The following LAMA2 variants were observed in gnomAD, a reference collection of about 807,000 sequenced individuals.
LAMA2 encodes laminin subunit alpha-2.
A neutral mutation model predicts 364.8 loss-of-function variants in LAMA2; 269 were observed. The ratio of observed to expected loss-of-function variants is 0.74; its 90% CI spans 0.67 to 0.82. LAMA2 has a LOEUF of 0.82. Among genes scored for constraint, LAMA2 ranks in the 40% least tolerant of loss-of-function variants. LAMA2 has a pLI of 0.00. For missense variants in LAMA2, 3,807 were observed against 3,873.2 expected, an observed-to-expected ratio of 0.98 and a Z score of 0.45; for synonymous variants, 1,379 against 1,370.6, an observed-to-expected ratio of 1.01 and a Z score of -0.14.
At chr6:128,898,977 T>A (rs143683438) in intron 1 of LAMA2, among the ~76,000 whole-genome samples, 1 of 152,312 alleles carries the variant, frequency 6.6e-6, no homozygotes, top group East Asian at 1.9e-4. Flanking sequence ...TGTCACCTCT[T>A]ACAGAGGCCT....
intron 51 of LAMA2, among the ~76,000 whole-genome samples, chr6:129,465,635 C>A (rs917939367): frequency 2.4e-4 from 37 of 151,780 alleles, no homozygotes; most frequent in Admixed American, 3.3e-4. Context: ...TAAAGTGGCC[C>A]ACAGTGGAAT....
intron 42 of LAMA2, among the ~76,000 whole-genome samples, chr6:129,440,549 A>G (rs1433974143): frequency 6.6e-6 from 1 of 152,176 alleles, no homozygotes; most frequent in Non-Finnish European, 1.5e-5. Context: ...AGCAAATCAC[A>G]ATATGATCTT....
intron 34 of LAMA2, among the ~76,000 whole-genome samples, chr6:129,378,335 A>G (rs1453114084): frequency 6.6e-6 from 1 of 152,226 alleles, no homozygotes; most frequent in Admixed American, 6.5e-5. Flanking sequence ...AACATTATCA[A>G]TAGCCTGTCC....
chr6:129,516,535 AAAT>A lies in LAMA2; in HGVS notation c.*193_*195del, dbSNP rs371188338. The A allele has an allele frequency of 0.79, 479,974 of 610,556 alleles. 191,789 individuals are homozygous for A. Among genetic ancestry groups the A allele is most frequent in the Non-Finnish European group, 0.84 (291,636 of 346,646 alleles). 37.8% of individuals were successfully genotyped at this position (610,556 alleles called of 1,614,324 possible). A position where few individuals can be genotyped will look rare whatever the true frequency, so the allele number is the denominator to read the frequency against. Reference sequence around the variant, plus strand: ...AATTCAAGTTCTTTCTCAAGTCTATAAATAATATTAAACTGATTATTTCATTCT... The same window carrying A: ...AATTCAAGTTCTTTCTCAAGTCTATAAATATTAAACTGATTATTTCATTCT... On this transcript the variant is annotated 3_prime_UTR_variant, in exon 65 of 65. Transcript: ENST00000421865.
chr6:129,254,756 AATC>A (rs1422946477), intron 14 of LAMA2, among the ~76,000 whole-genome samples: 2 of 152,228 alleles, frequency 1.3e-5, no homozygotes, highest in African/African-American at 2.4e-5. Context: ...ATATAAGAGA[AATC>A]AACCTAACTG....
In LAMA2 at chr6:129,154,664, G is replaced by C. The variant is rs756788810; in HGVS notation, c.1187G>C (p.Gly396Ala). 1.2e-6 allele frequency: 2 copies of C among 1,613,864 alleles called. No individual in the cohort carries two copies. The highest frequency in any genetic ancestry group is 1.7e-6 in the Non-Finnish European group (2 of 1,179,870). Residue 396 changes from glycine to alanine, a missense_variant, in exon 8 of 65, where the codon GGC becomes GCC. By Grantham distance (60) the Gly-to-Ala change is moderately conservative. Around this residue, in one of 3 missense-constraint regions of LAMA2, gnomAD observed 80 missense variants for 124.0 expected, o/e 0.65. Transcript: ENST00000421865. ...AGINCETCTDGFFRPKGVSPN... is the reference protein window; with the variant it reads ...AGINCETCTDAFFRPKGVSPN... ...ATAAACTGCGAGACATGTACTGATG[G>C]CTTCTTCAGACCCAAAGGGGTAAAG... is the stretch of plus-strand genomic sequence containing the variant.
chr6:129,011,401 T>A (rs912679949), intron 1 of LAMA2, among the ~76,000 whole-genome samples: 6 of 152,200 alleles, frequency 3.9e-5, no homozygotes, highest in Non-Finnish European at 8.8e-5. Flanking sequence ...ACAAGCTCCT[T>A]ATGTGGAGAA....
chr6:128,890,920 C>T (rs1776415847), intron 1 of LAMA2, among the ~76,000 whole-genome samples: 1 of 152,038 alleles, frequency 6.6e-6, no homozygotes, highest in Non-Finnish European at 1.5e-5. Flanking sequence ...AAAACCTTGA[C>T]ATCTTCATAA....
intron 3 of LAMA2, among the ~76,000 whole-genome samples, chr6:129,071,745 T>G (rs1161949502): frequency 6.6e-6 from 1 of 152,222 alleles, no homozygotes; most frequent in African/African-American, 2.4e-5. Context: ...ATTCCTTTCC[T>G]CACTAATTCC....
intron 1 of LAMA2, among the ~76,000 whole-genome samples, chr6:128,900,654 A>G (rs1192933949): frequency 6.6e-6 from 1 of 152,224 alleles, no homozygotes; most frequent in East Asian, 1.9e-4. Context: ...TGTTCCAATT[A>G]AATATTTAAA....
chr6:129,203,159 A>G (rs1269527028), intron 12 of LAMA2, among the ~76,000 whole-genome samples: 1 of 152,250 alleles, frequency 6.6e-6, no homozygotes, highest in African/African-American at 2.4e-5. Context: ...TCCAGCTCTC[A>G]TTTCTCATTT....
chr6:129,153,668 A>G (rs1414080269), intron 7 of LAMA2, among the ~76,000 whole-genome samples: 1 of 152,196 alleles, frequency 6.6e-6, no homozygotes, highest in African/African-American at 2.4e-5. Flanking sequence ...AATAATACCT[A>G]ATTCCTAAAA....
intron 16 of LAMA2, among the ~76,000 whole-genome samples, chr6:129,269,127 T>C (rs1554259991): frequency 1.3e-5 from 2 of 152,078 alleles, no homozygotes; most frequent in Non-Finnish European, 1.5e-5. Flanking sequence ...CTGAAAAATA[T>C]TTTTGGCACC....
chr6:129,481,154 G>GATCT (rs1784325679), intron 54 of LAMA2, 109 bp from the exon 55 acceptor site: 2 of 841,238 alleles, frequency 2.4e-6, no homozygotes, highest in Non-Finnish European at 4.1e-6. Flanking sequence ...CTAAACCTAT[G>GATCT]ATGTATTTCA....
chr6:129,328,238 T>G (rs1202963571), intron 28 of LAMA2, 40 bp from the exon 29 acceptor site: 2 of 1,568,620 alleles, frequency 1.3e-6, no homozygotes, highest in Admixed American at 3.3e-5. Flanking sequence ...AATGCAGTAT[T>G]TCTAACTTTG....
intron 1 of LAMA2, among the ~76,000 whole-genome samples, chr6:129,020,625 G>A (rs1162102657): frequency 6.6e-6 from 1 of 152,156 alleles, no homozygotes; most frequent in South Asian, 2.1e-4. Context: ...AGAAGAACAC[G>A]TGAAAAGGTG....
intron 1 of LAMA2, among the ~76,000 whole-genome samples, chr6:128,910,804 G>T (rs1777869083): frequency 6.7e-6 from 1 of 150,228 alleles, no homozygotes; most frequent in African/African-American, 2.5e-5. Flanking sequence ...GTGATGTACA[G>T]ATGGGTTCTT....
chr6:128,906,563 A>C (rs1399871909), intron 1 of LAMA2, among the ~76,000 whole-genome samples: 1 of 149,216 alleles, frequency 6.7e-6, no homozygotes, highest in Non-Finnish European at 1.5e-5. Flanking sequence ...AGGTTGCGAA[A>C]ATTTTCTCCC....
intron 9 of LAMA2, among the ~76,000 whole-genome samples, chr6:129,171,927 A>T (rs1339207256): frequency 9.8e-4 from 109 of 111,154 alleles, no homozygotes; most frequent in African/African-American, 3.5e-3. Context: ...CATTCATTTC[A>T]TCTTCCATTG....
Sources: gnomAD v4.1 joint callset for allele counts (sites outside exome capture counted in the v4.1 genomes callset) on GRCh38, gnomAD v4.1.1 for gene constraint, gnomAD v4.1.1 regional missense constraint, MANE v1.5 for transcripts, NCBI Gene and HGNC (gene_info 2026-07-23, HGNC 2026-07-21) for gene names.